TSHR: variants seen among roughly 807,000 people sequenced by gnomAD.
TSHR encodes thyroid stimulating hormone receptor.
A neutral mutation model predicts 64.1 loss-of-function variants in TSHR; 51 were observed. The observed-to-expected ratio is 0.80, with a 90% CI of 0.64 to 1.01. The LOEUF (loss-of-function observed/expected upper bound fraction) is 1.01, where lower values mean the gene tolerates loss of function less well. Ranked by LOEUF, TSHR falls within the 50% of genes least tolerant of loss-of-function variation. The pLI is 0.00. For synonymous variants in TSHR, 361 were observed against 361.9 expected (o/e 1.00, Z 0.03); for missense variants, 877 against 942.8 (o/e 0.93, Z 0.91).
intron 1 of TSHR, among the ~76,000 whole-genome samples, chr14:80,980,579 A>T (rs1712382910): frequency 6.6e-6 from 1 of 152,152 alleles, no homozygotes; most frequent in Admixed American, 6.5e-5. Context: ...TTTGTCTTTA[A>T]TGTTTAACAG....
intron 1 of TSHR, chr14:80,956,054 C>T (rs1886659406): frequency 3.1e-6 from 2 of 648,750 alleles, no homozygotes; most frequent in South Asian, 1.8e-5. Context: ...TGTTGACATC[C>T]TCATTCCCAA....
At chr14:81,066,430 T>C (rs1886615182) in intron 2 of TSHR, among the ~76,000 whole-genome samples, 1 of 152,212 alleles carries the variant, frequency 6.6e-6, no homozygotes, top group Admixed American at 6.6e-5. Context: ...AAACAATTTA[T>C]ATAACGTTAT....
At chr14:81,020,497 G>A (rs1014918870) in intron 1 of TSHR, among the ~76,000 whole-genome samples, 11 of 152,162 alleles carry the variant, frequency 7.2e-5, no homozygotes, top group Non-Finnish European at 1.6e-4. Flanking sequence ...CTGCACATGC[G>A]AGGGACCTAG....
intron 1 of TSHR, among the ~76,000 whole-genome samples, chr14:81,054,343 G>A (rs1885623515): frequency 6.6e-6 from 1 of 152,164 alleles, no homozygotes; most frequent in African/African-American, 2.4e-5. Context: ...CCAGTCTTGG[G>A]TATGTCTTTA....
At chr14:81,133,620 C>A (rs1891337788) in intron 8 of TSHR, among the ~76,000 whole-genome samples, 2 of 152,322 alleles carry the variant, frequency 1.3e-5, no homozygotes, top group South Asian at 4.1e-4. Flanking sequence ...CATTCTGGCA[C>A]TTTAGGGTCT....
In TSHR at chr14:80,964,079, G is replaced by A. The variant is rs143314497; in HGVS notation, c.170+8229G>A. Among the ~76,000 whole-genome samples the A allele has an allele frequency of 6.5e-3, 991 of 152,260 alleles. 9 individuals carry two copies. Among genetic ancestry groups the A allele is most frequent in the African/African-American group, 0.022 (912 of 41,540 alleles). On this transcript the variant is annotated intron_variant, in intron 1 of 9. Coordinates refer to ENST00000298171, the MANE Select transcript of TSHR (RefSeq NM_000369.5). ...GGAGTCTATCACTTAAAAGAAGGTT[G>A]GTCTCAGCCAGGTGGGGTGGCTCAC... is the stretch of plus-strand genomic sequence containing the variant.
chr14:81,067,342 T>G (rs77826910), intron 2 of TSHR, among the ~76,000 whole-genome samples: 1,727 of 152,090 alleles, frequency 0.011, 42 homozygotes, highest in African/African-American at 0.037. Context: ...CCAAGCACTC[T>G]GAAAGGCACT....
chr14:80,972,432 C>A (rs376447645), intron 1 of TSHR, among the ~76,000 whole-genome samples: 1 of 151,960 alleles, frequency 6.6e-6, no homozygotes. Context: ...AAACTGAGAC[C>A]CAGAAATGTC....
At chr14:81,063,475 C>T (rs1348144406) in intron 2 of TSHR, among the ~76,000 whole-genome samples, 1 of 152,110 alleles carries the variant, frequency 6.6e-6, no homozygotes, top group Non-Finnish European at 1.5e-5. Flanking sequence ...AAAATAAACA[C>T]ATCATCTTCC....
chr14:81,099,656 G>T (rs750240800), intron 7 of TSHR: 2 of 152,200 alleles, frequency 1.3e-5, no homozygotes, highest in African/African-American at 2.4e-5. Flanking sequence ...CTTTACCAAT[G>T]CTGCAAAGCC....
At chr14:80,959,586 T>C (rs1886910694) in intron 1 of TSHR, 1 of 152,220 alleles carries the variant, frequency 6.6e-6, no homozygotes, top group Non-Finnish European at 1.5e-5. Context: ...TGTGTTGTTT[T>C]AACCCTGCTT....
chr14:81,078,693 C>T (rs371777642), intron 3 of TSHR: 9 of 152,296 alleles, frequency 5.9e-5, no homozygotes, highest in African/African-American at 1.7e-4. Flanking sequence ...CCATGTAAGA[C>T]GTCCAACTGC....
At chr14:81,066,704 A>G (rs1886637323) in intron 2 of TSHR, among the ~76,000 whole-genome samples, 1 of 152,158 alleles carries the variant, frequency 6.6e-6, no homozygotes, top group Non-Finnish European at 1.5e-5. Context: ...TTGAAAAATA[A>G]AAGTACTTGA....
chr14:81,062,759 T>C (rs1165269923), intron 2 of TSHR, among the ~76,000 whole-genome samples: 1 of 152,198 alleles, frequency 6.6e-6, no homozygotes, highest in Non-Finnish European at 1.5e-5. Context: ...TTTTCCATAT[T>C]GGGTTGACAA....
intron 1 of TSHR, among the ~76,000 whole-genome samples, chr14:80,990,559 C>T (rs1320077801): frequency 1.3e-5 from 2 of 152,190 alleles, no homozygotes; most frequent in African/African-American, 4.8e-5. Flanking sequence ...TGTTACTTAA[C>T]CCTGTTACTT....
chr14:81,064,075 G>A (rs1032610728), intron 2 of TSHR, among the ~76,000 whole-genome samples: 6 of 152,108 alleles, frequency 3.9e-5, no homozygotes, highest in Non-Finnish European at 5.9e-5. Context: ...TAAGGGCTGA[G>A]CCATTCAATG....
At chr14:81,048,871 T>C (rs1229853523) in intron 1 of TSHR, among the ~76,000 whole-genome samples, 1 of 152,178 alleles carries the variant, frequency 6.6e-6, no homozygotes. Context: ...ATTATCTTGT[T>C]TTTATTTTTC....
chr14:81,059,427 T>G (rs1159500468), intron 1 of TSHR, among the ~76,000 whole-genome samples: 2 of 152,174 alleles, frequency 1.3e-5, no homozygotes, highest in African/African-American at 4.8e-5. Flanking sequence ...TGTGTATTTT[T>G]TTAGATTATG....
intron 1 of TSHR, among the ~76,000 whole-genome samples, chr14:80,961,144 G>A (rs1421766999): frequency 6.6e-6 from 1 of 152,200 alleles, no homozygotes; most frequent in Non-Finnish European, 1.5e-5. Context: ...CCCCACTGAA[G>A]AGGGGCCATA....
Sources: allele counts gnomAD v4.1 joint callset (sites outside exome capture counted in the v4.1 genomes callset), GRCh38; gene constraint gnomAD v4.1.1; transcripts MANE v1.5; gene names NCBI Gene and HGNC (gene_info 2026-07-23, HGNC 2026-07-21).